ERC2: variants seen among roughly 807,000 people sequenced by gnomAD.
ERC2 encodes the protein ELKS/RAB6-interacting/CAST family member 2, also known as ERC protein 2.
Under a neutral mutation model 114.8 loss-of-function variants are expected in ERC2, and 42 were observed. The observed-to-expected ratio is 0.37, with a 90% CI of 0.29 to 0.47. The LOEUF is 0.47. Ranked by LOEUF, ERC2 falls within the 20% of genes least tolerant of loss-of-function variation. ERC2 has a pLI of 0.99. For synonymous variants in ERC2, 454 were observed against 425.5 expected (o/e 1.07, Z -0.82); for missense variants, 939 against 1,150.7 (o/e 0.82, Z 2.66).
rs116301341 is a variant in ERC2, at chr3:55,761,093, A to C, written c.2565-26175T>G. Reference sequence around the variant, plus strand: ...ACAGATGCTTTGAGGATCAAATAATACAATGCATTGACACTGATAATACAA... The same window carrying C: ...ACAGATGCTTTGAGGATCAAATAATCCAATGCATTGACACTGATAATACAA... On this transcript the variant is annotated intron_variant, in intron 14 of 17. Coordinates refer to ENST00000288221, the MANE Select transcript of ERC2 (RefSeq NM_015576.3). Among the ~76,000 whole-genome samples, 754 of 152,294 alleles carry C rather than the reference A, an allele frequency of 5.0e-3. 5 individuals carry two copies. The highest frequency in any genetic ancestry group is 0.017 in the African/African-American group (699 of 41,542).
chr3:56,236,318 C>T (rs1002138634), intron 3 of ERC2, among the ~76,000 whole-genome samples: 10 of 151,912 alleles, frequency 6.6e-5, no homozygotes, highest in African/African-American at 9.7e-5. Context: ...CATATCCACT[C>T]GAAGAAAATC....
chr3:55,528,401 T>G (rs1170745909), intron 17 of ERC2, among the ~76,000 whole-genome samples: 1 of 152,208 alleles, frequency 6.6e-6, no homozygotes, highest in Non-Finnish European at 1.5e-5. Flanking sequence ...TGAAAACAAG[T>G]GAATTCTTAT....
chr3:56,299,174 C>T (rs1047004999), intron 2 of ERC2, among the ~76,000 whole-genome samples: 1 of 145,850 alleles, frequency 6.9e-6, no homozygotes, highest in Admixed American at 6.8e-5. Flanking sequence ...GTCGCCCAGG[C>T]TGGAGTGCAG....
At chr3:55,988,329 T>A (rs935580689) in intron 11 of ERC2, among the ~76,000 whole-genome samples, 10 of 152,180 alleles carry the variant, frequency 6.6e-5, no homozygotes, top group Non-Finnish European at 1.2e-4. Flanking sequence ...CTGAGCTGCC[T>A]GCAGTCCAAG....
intron 3 of ERC2, among the ~76,000 whole-genome samples, chr3:56,221,249 G>C (rs558551222): frequency 7.0e-4 from 107 of 152,078 alleles, no homozygotes; most frequent in Middle Eastern, 3.4e-3. Context: ...ATTAGGTACT[G>C]ACTAAGCATT....
rs183274974 is a variant in ERC2, at chr3:55,751,631, G to C, written c.2565-16713C>G. Among the ~76,000 whole-genome samples, 116 of 152,220 alleles carry C rather than the reference G, an allele frequency of 7.6e-4. 1 individual carries two copies. The highest frequency in any genetic ancestry group is 4.3e-4 in the Non-Finnish European group (29 of 68,018). On this transcript the variant is annotated intron_variant, in intron 14 of 17. Coordinates refer to ENST00000288221, the MANE Select transcript of ERC2 (RefSeq NM_015576.3). ...AACATAGATGAGGCTTGCTCCAGGG[G>C]CACCCTAAGATTTGAACTAGGACTT...
chr3:55,762,835 C>T (rs1183054363), intron 14 of ERC2, among the ~76,000 whole-genome samples: 1 of 152,136 alleles, frequency 6.6e-6, no homozygotes, highest in Non-Finnish European at 1.5e-5. Flanking sequence ...GGAGGAGAGA[C>T]CTAACTTACT....
chr3:56,237,749 G>A (rs1384999869), intron 3 of ERC2, among the ~76,000 whole-genome samples: 1 of 152,048 alleles, frequency 6.6e-6, no homozygotes. Flanking sequence ...AAGGTGTTTT[G>A]ATAGCTTTTC....
At chr3:55,714,802 T>C (rs2064015641) in intron 15 of ERC2, among the ~76,000 whole-genome samples, 2 of 149,554 alleles carry the variant, frequency 1.3e-5, no homozygotes, top group Admixed American at 6.7e-5. Flanking sequence ...TTTATTCCTT[T>C]CTATATTATT....
intron 17 of ERC2, among the ~76,000 whole-genome samples, chr3:55,609,047 T>C (rs2058766935): frequency 6.6e-6 from 1 of 152,186 alleles, no homozygotes; most frequent in Non-Finnish European, 1.5e-5. Context: ...ATGGAACGAT[T>C]ACTTCCATGT....
intron 13 of ERC2, among the ~76,000 whole-genome samples, chr3:55,905,393 T>C (rs1369309958): frequency 1.3e-5 from 2 of 151,948 alleles, no homozygotes; most frequent in Non-Finnish European, 2.9e-5. Flanking sequence ...CTTTTTACTT[T>C]TTTTGTGGAC....
chr3:55,979,766 C>T (rs2069919899), intron 12 of ERC2, among the ~76,000 whole-genome samples: 2 of 150,776 alleles, frequency 1.3e-5, no homozygotes, highest in African/African-American at 4.9e-5. Context: ...ATAGTGAGAC[C>T]CCACCTCTGC....
At chr3:55,843,018 CCA>C (rs1260347366) in intron 14 of ERC2, among the ~76,000 whole-genome samples, 2 of 152,130 alleles carry the variant, frequency 1.3e-5, no homozygotes, top group Non-Finnish European at 2.9e-5. Context: ...TGGTTATTGT[CCA>C]ATCTTCCCTT....
chr3:56,315,695 T>A (rs75960887), intron 2 of ERC2, among the ~76,000 whole-genome samples: 2,490 of 152,188 alleles, frequency 0.016, 20 homozygotes, highest in South Asian at 0.023. Flanking sequence ...GCAAAGTGCT[T>A]ATTTCATCCC....
intron 13 of ERC2, among the ~76,000 whole-genome samples, chr3:55,933,833 G>A (rs902008135): frequency 6.6e-5 from 10 of 152,300 alleles, no homozygotes; most frequent in Admixed American, 3.3e-4. Context: ...CTCAACCTAC[G>A]CATAGTTCAC....
chr3:55,879,292 G>A (rs1204363661), intron 14 of ERC2, among the ~76,000 whole-genome samples: 1 of 151,900 alleles, frequency 6.6e-6, no homozygotes, highest in African/African-American at 2.4e-5. Context: ...TGCAAAACAG[G>A]TGAGAGTGTT....
At chr3:56,036,367 C>G (rs971985984) in intron 7 of ERC2, among the ~76,000 whole-genome samples, 1 of 152,078 alleles carries the variant, frequency 6.6e-6, no homozygotes, top group African/African-American at 2.4e-5. Flanking sequence ...ACTTTAGTAC[C>G]TTGCTACAAT....
intron 14 of ERC2, among the ~76,000 whole-genome samples, chr3:55,744,676 G>C (rs541450700): frequency 2.2e-4 from 33 of 152,314 alleles, no homozygotes; most frequent in Admixed American, 9.1e-4. Flanking sequence ...TCTGTATCCA[G>C]GCCCTGTAGC....
intron 6 of ERC2, among the ~76,000 whole-genome samples, chr3:56,119,461 T>TA (rs1438296245): frequency 1.3e-5 from 2 of 152,212 alleles, no homozygotes; most frequent in Non-Finnish European, 2.9e-5. Context: ...GCCATCCCCT[T>TA]CTTCCCTGGT....
Sources: allele counts gnomAD v4.1 joint callset (sites outside exome capture counted in the v4.1 genomes callset), GRCh38; gene constraint gnomAD v4.1.1; transcripts MANE v1.5; gene names NCBI Gene and HGNC (gene_info 2026-07-23, HGNC 2026-07-21).